DENND2C: variants seen among roughly 807,000 people sequenced by gnomAD.
DENND2C encodes the protein DENN domain-containing protein 2C.
In DENND2C, 72 loss-of-function variants were observed where a neutral mutation model predicts 112.4. The ratio of observed to expected loss-of-function variants is 0.64; its 90% CI spans 0.53 to 0.78. DENND2C has a LOEUF of 0.78. DENND2C is among the 30% of genes least tolerant of loss of function. The pLI, the probability that DENND2C is intolerant of heterozygous loss-of-function variation, is 0.00. For missense variants in DENND2C, 992 were observed against 1,113.8 expected (o/e 0.89, Z 1.56); for synonymous variants, 329 against 381.6 (o/e 0.86, Z 1.61).
chr1:114,587,994 A>C (rs1314212854), intron 18 of DENND2C, 42 bp from the exon 19 acceptor site: 17 of 1,552,254 alleles, frequency 1.1e-5, no homozygotes, highest in Non-Finnish European at 1.5e-5. Flanking sequence ...AAATCTCCTC[A>C]GTTATCTGTA....
intron 16 of DENND2C, 64 bp downstream of exon 16, chr1:114,599,210 C>T: frequency 7.6e-7 from 1 of 1,312,896 alleles, no homozygotes. Context: ...AATTCCACCA[C>T]TCTTAAGATC....
chr1:114,664,972 T>C (rs1343071325), intron 1 of DENND2C, among the ~76,000 whole-genome samples: 2 of 151,816 alleles, frequency 1.3e-5, no homozygotes, highest in African/African-American at 2.4e-5. Flanking sequence ...TGTGCGCCTG[T>C]AGTCCCAGCT....
chr1:114,615,684 C>G (rs1236083318), intron 8 of DENND2C, among the ~76,000 whole-genome samples: 1 of 152,200 alleles, frequency 6.6e-6, no homozygotes, highest in Non-Finnish European at 1.5e-5. Flanking sequence ...TTAATCAGTA[C>G]ATAGCAGGAA....
At chr1:114,620,958 T>C (rs1208723533) in intron 7 of DENND2C, among the ~76,000 whole-genome samples, 2 of 152,212 alleles carry the variant, frequency 1.3e-5, no homozygotes, top group African/African-American at 4.8e-5. Context: ...TATAGCTAAT[T>C]CAGATGGGAT....
At chr1:114,662,641 GAA>G (rs71093605) in intron 1 of DENND2C, among the ~76,000 whole-genome samples, 81 of 144,218 alleles carry the variant, frequency 5.6e-4, no homozygotes, top group Non-Finnish European at 1.1e-3. Context: ...AGATTCATAA[GAA>G]AAAAAAAAAA....
At chr1:114,622,867 A>T in intron 6 of DENND2C, 120 bp downstream of exon 6, 1 of 619,780 alleles carries the variant, frequency 1.6e-6, no homozygotes, top group Non-Finnish European at 2.5e-6. Context: ...AACTACCACC[A>T]ACATTAAAAC....
intron 1 of DENND2C, among the ~76,000 whole-genome samples, chr1:114,658,882 A>C (rs1657405782): frequency 6.6e-6 from 1 of 151,890 alleles, no homozygotes; most frequent in African/African-American, 2.4e-5. Flanking sequence ...TCTGTTTTTA[A>C]AATTTTTTAA....
At chr1:114,649,144 A>G (rs1657084685) in intron 2 of DENND2C, among the ~76,000 whole-genome samples, 1 of 151,882 alleles carries the variant, frequency 6.6e-6, no homozygotes. Context: ...TAGTAGAGAC[A>G]GGGTTTCAGC....
At chr1:114,613,632 G>C (rs1487113074) in intron 8 of DENND2C, among the ~76,000 whole-genome samples, 1 of 152,064 alleles carries the variant, frequency 6.6e-6, no homozygotes, top group Non-Finnish European at 1.5e-5. Context: ...AACTTAGGAA[G>C]TGTTTGGAAA....
intron 2 of DENND2C, among the ~76,000 whole-genome samples, chr1:114,653,902 A>T (rs1657236437): frequency 6.6e-6 from 1 of 152,224 alleles, no homozygotes. Context: ...ATAGGTGATG[A>T]TTAAATGTAC....
chr1:114,602,116 G>A lies in DENND2C; in HGVS notation c.1737+9C>T. The A allele has an allele frequency of 3.7e-6, 6 of 1,613,514 alleles. No individual in the cohort carries two copies. Among genetic ancestry groups the A allele is most frequent in the Non-Finnish European group, 5.1e-6 (6 of 1,179,720 alleles). ...CCAACCCTGTCTGTAACACAAATCTGATACTTACCAAGAGCTTCTTACAGT... is the reference window on the plus strand; with the variant it reads ...CCAACCCTGTCTGTAACACAAATCTAATACTTACCAAGAGCTTCTTACAGT... On this transcript the variant is annotated intron_variant, in intron 12 of 20. Transcript: ENST00000393274.
chr1:114,610,688 A>T (rs1425573629), intron 9 of DENND2C, among the ~76,000 whole-genome samples: 2 of 149,182 alleles, frequency 1.3e-5, no homozygotes, highest in African/African-American at 5.0e-5. Flanking sequence ...TGACAGAGGG[A>T]GACTCCGTCT....
chr1:114,592,052 T>TAAAAA (rs1655209067), intron 18 of DENND2C, among the ~76,000 whole-genome samples: 9 of 151,866 alleles, frequency 5.9e-5, no homozygotes, highest in Non-Finnish European at 1.2e-4. Context: ...ACCCAGCTAA[T>TAAAAA]TTTTGTATTT....
intron 16 of DENND2C, among the ~76,000 whole-genome samples, chr1:114,596,610 A>G (rs1655349019): frequency 6.6e-6 from 1 of 152,120 alleles, no homozygotes; most frequent in African/African-American, 2.4e-5. Flanking sequence ...TATCCTTCAA[A>G]ATATTATGGG....
chr1:114,613,907 G>A (rs1337897355), intron 8 of DENND2C, among the ~76,000 whole-genome samples: 3 of 152,242 alleles, frequency 2.0e-5, no homozygotes, highest in Admixed American at 1.3e-4. Flanking sequence ...AGGCTGATAA[G>A]TCATTTTGTA....
At chr1:114,621,784 T>C (rs1570780243) in intron 7 of DENND2C, 111 bp downstream of exon 7, 3 of 1,351,476 alleles carry the variant, frequency 2.2e-6, no homozygotes, top group South Asian at 2.9e-5. Flanking sequence ...AGTCTTCTAA[T>C]CCCAGTAGGT....
Position 114,604,980 on chromosome 1 carries a change from T to TA in DENND2C, c.1608dup (p.Ile537TyrfsTer8). The TA allele has an allele frequency of 1.2e-6, 2 of 1,613,900 alleles. No homozygotes were observed. Among genetic ancestry groups the TA allele is most frequent in the Non-Finnish European group, 1.7e-6 (2 of 1,179,956 alleles). ...GAATCAGGAAAACAAAATTTTGGAA[T>TA]AACTTTAAGTCTCTCTTCCATGTCT... On this transcript the variant is annotated frameshift_variant, in exon 11 of 21. Transcript: ENST00000393274. LOFTEE classifies it high-confidence loss of function.
chr1:114,628,536 A>T (rs966534557), intron 3 of DENND2C, among the ~76,000 whole-genome samples: 1 of 152,214 alleles, frequency 6.6e-6, no homozygotes, highest in Non-Finnish European at 1.5e-5. Flanking sequence ...TATTTCAAAA[A>T]TAAAAGCACT....
At chr1:114,633,459 A>G (rs938324037) in intron 3 of DENND2C, among the ~76,000 whole-genome samples, 3 of 149,674 alleles carry the variant, frequency 2.0e-5, no homozygotes, top group African/African-American at 4.9e-5. Context: ...AAAAAAAAAA[A>G]AAAGAAAAAG....
Sources: gnomAD v4.1 joint callset for allele counts (sites outside exome capture counted in the v4.1 genomes callset) on GRCh38, gnomAD v4.1.1 for gene constraint, MANE v1.5 for transcripts, NCBI Gene and HGNC (gene_info 2026-07-23, HGNC 2026-07-21) for gene names.